THADA: variants seen among roughly 807,000 people sequenced by gnomAD.
THADA encodes THADA armadillo repeat containing.
Under a neutral mutation model 219.8 loss-of-function variants are expected in THADA, and 213 were observed. The observed-to-expected ratio is 0.97, with a 90% confidence interval of 0.87 to 1.09. The LOEUF (loss-of-function observed/expected upper bound fraction) is 1.09, where lower values mean the gene tolerates loss of function less well. THADA is among the 50% of genes least tolerant of loss of function. THADA has a pLI of 0.00. For synonymous variants in THADA, 1,018 were observed against 828.9 expected (o/e 1.23, Z -3.92); for missense variants, 2,956 against 2,311.3 (o/e 1.28, Z -5.72).
chr2:43,340,628 C>A (rs1188453482), intron 30 of THADA, among the ~76,000 whole-genome samples: 1 of 152,080 alleles, frequency 6.6e-6, no homozygotes, highest in Non-Finnish European at 1.5e-5. Flanking sequence ...ACATTTTTTT[C>A]TTTGCAAAAA....
At chr2:43,585,263 C>G (rs1700885038) in intron 7 of THADA, among the ~76,000 whole-genome samples, 1 of 149,964 alleles carries the variant, frequency 6.7e-6, no homozygotes, top group Non-Finnish European at 1.5e-5. Context: ...ATAATCCTAG[C>G]ACTTTGGGAG....
chr2:43,430,467 A>C (rs1157261583), intron 26 of THADA, among the ~76,000 whole-genome samples, 165 bp from the exon 27 acceptor site: 1 of 152,230 alleles, frequency 6.6e-6, no homozygotes, highest in Non-Finnish European at 1.5e-5. Flanking sequence ...ATCAACACAA[A>C]TGGTAATTCT....
At chr2:43,409,223 G>T (rs1287350513) in intron 28 of THADA, among the ~76,000 whole-genome samples, 1 of 152,144 alleles carries the variant, frequency 6.6e-6, no homozygotes, top group African/African-American at 2.4e-5. Context: ...TTTTGTTTTT[G>T]CTGAAGCTAA....
intron 3 of THADA, 38 bp downstream of exon 3, chr2:43,591,914 T>A (rs1701622496): frequency 7.3e-7 from 1 of 1,369,242 alleles, no homozygotes; most frequent in Non-Finnish European, 9.8e-7. Context: ...AGCATGATAC[T>A]CTTAAAGATG....
intron 29 of THADA, among the ~76,000 whole-genome samples, chr2:43,368,619 A>T (rs573584201): frequency 1.3e-4 from 20 of 151,614 alleles, no homozygotes; most frequent in Non-Finnish European, 2.7e-4. Flanking sequence ...GTTGGTCTGG[A>T]ACTCCTGGCC....
intron 35 of THADA, 148 bp from the exon 36 acceptor site, chr2:43,280,044 G>A (rs1231796078): frequency 1.2e-6 from 1 of 866,572 alleles, no homozygotes; most frequent in East Asian, 3.3e-5. Flanking sequence ...TAGAAAGAGT[G>A]TTAGACAAAC....
intron 31 of THADA, among the ~76,000 whole-genome samples, chr2:43,295,323 G>A (rs1469016535): frequency 6.6e-6 from 1 of 152,232 alleles, no homozygotes; most frequent in East Asian, 1.9e-4. Context: ...GGCCTTTGGT[G>A]AGCAGGCTCC....
intron 28 of THADA, among the ~76,000 whole-genome samples, chr2:43,410,900 T>G (rs1252386672): frequency 6.6e-6 from 1 of 152,214 alleles, no homozygotes; most frequent in Non-Finnish European, 1.5e-5. Context: ...AAGAATAATC[T>G]TTCATATACA....
At chr2:43,514,803 A>G (rs1378204048) in intron 22 of THADA, among the ~76,000 whole-genome samples, 7 of 93,532 alleles carry the variant, frequency 7.5e-5, no homozygotes, top group African/African-American at 3.1e-4. Context: ...TGTACAATAT[A>G]TATTTTATAT....
At chr2:43,569,133 G>A (rs374847782) in intron 14 of THADA, among the ~76,000 whole-genome samples, 4 of 151,930 alleles carry the variant, frequency 2.6e-5, no homozygotes, top group African/African-American at 7.3e-5. Flanking sequence ...CACCACGCCC[G>A]TCTCAGGGTT....
rs192411903 is a variant in THADA, at chr2:43,295,989, G to A, written c.4439-2776C>T. Among the ~76,000 whole-genome samples, 168 of 148,744 alleles carry A rather than the reference G, an allele frequency of 1.1e-3. 3 individuals carry two copies. The East Asian group carries it at 0.027, about 24-fold the overall frequency. ...GGCAGGAGTGCAGTGGTGCGATCTC[G>A]GCTCACTGCAACCTCCACCTCCAGG... On this transcript the variant is annotated intron_variant, in intron 31 of 37. Transcript: ENST00000405975.
rs117236572 is a variant in THADA, at chr2:43,251,279, C to A, written c.5297-18397G>T. ...TTTACCTAAATTACACAGAACCACT[C>A]GTCTGGTTTCCATTTCACTGCCTGA... On this transcript the variant is annotated intron_variant, in intron 36 of 37. Transcript: ENST00000405975. 7.9e-5 allele frequency among the ~76,000 whole-genome samples: 12 copies of A among 152,316 alleles called. No individual in the cohort carries two copies. The East Asian group carries it at 2.3e-3, about 29-fold the overall frequency.
chr2:43,306,905 G>A (rs1048546413), intron 31 of THADA, among the ~76,000 whole-genome samples: 2 of 152,138 alleles, frequency 1.3e-5, no homozygotes, highest in Non-Finnish European at 2.9e-5. Context: ...TTCTCCCAAT[G>A]TTGGCTTTTT....
intron 36 of THADA, among the ~76,000 whole-genome samples, chr2:43,259,241 G>A (rs1320239831): frequency 1.3e-5 from 2 of 152,166 alleles, no homozygotes; most frequent in Admixed American, 6.5e-5. Flanking sequence ...CCCTTGCTAG[G>A]GGGCCAGAAA....
chr2:43,574,197 T>C (rs371368349), intron 11 of THADA, 139 bp downstream of exon 11: 2 of 694,078 alleles, frequency 2.9e-6, no homozygotes, highest in African/African-American at 3.6e-5. Context: ...CGTTTCAAAC[T>C]GAAACATCTA....
chr2:43,296,859 G>A (rs1228502798), intron 31 of THADA, among the ~76,000 whole-genome samples: 1 of 146,398 alleles, frequency 6.8e-6, no homozygotes, highest in East Asian at 1.9e-4. Context: ...GGGAGGCAGC[G>A]GCTGGAGGAG....
intron 22 of THADA, among the ~76,000 whole-genome samples, chr2:43,523,808 A>G (rs1447087305): frequency 6.6e-6 from 1 of 152,234 alleles, no homozygotes; most frequent in East Asian, 1.9e-4. Context: ...AGCAATTCGA[A>G]TATTTGAAGA....
intron 31 of THADA, among the ~76,000 whole-genome samples, chr2:43,297,530 G>C (rs1451656441): frequency 5.9e-5 from 6 of 101,600 alleles, no homozygotes; most frequent in African/African-American, 1.0e-4. Flanking sequence ...GGCCAGCCGT[G>C]CCGTCCGGGA....
At chr2:43,270,813 C>T (rs576725398) in intron 36 of THADA, among the ~76,000 whole-genome samples, 2 of 152,196 alleles carry the variant, frequency 1.3e-5, no homozygotes, top group African/African-American at 2.4e-5. Flanking sequence ...TGCCTGTGAA[C>T]AGCCACCAGT....
Sources: gnomAD v4.1 joint callset for allele counts (sites outside exome capture counted in the v4.1 genomes callset) on GRCh38, gnomAD v4.1.1 for gene constraint, MANE v1.5 for transcripts, NCBI Gene and HGNC (gene_info 2026-07-23, HGNC 2026-07-21) for gene names.